ARHGAP15: variants seen among roughly 807,000 people sequenced by gnomAD.
The protein encoded by ARHGAP15 is rho GTPase-activating protein 15.
A neutral mutation model predicts 63.7 loss-of-function variants in ARHGAP15; 51 were observed. The ratio of observed to expected loss-of-function variants is 0.80; its 90% CI spans 0.64 to 1.01. The LOEUF is 1.01. Ranked by LOEUF, ARHGAP15 falls within the 50% of genes least tolerant of loss-of-function variation. The probability of loss-of-function intolerance (pLI) is 0.00; values close to 1 mark genes in which losing one functional copy is unlikely to be tolerated. For missense variants in ARHGAP15, 560 were observed against 564.6 expected, an observed-to-expected ratio of 0.99 and a Z score of 0.08; for synonymous variants, 191 against 193.8, an observed-to-expected ratio of 0.99 and a Z score of 0.12.
intron 11 of ARHGAP15, among the ~76,000 whole-genome samples, chr2:143,577,741 A>G (rs1696729469): frequency 6.6e-6 from 1 of 152,150 alleles, no homozygotes; most frequent in Non-Finnish European, 1.5e-5. Context: ...GGCTAAGGAA[A>G]TAGAATGGGC....
chr2:143,339,202 G>A (rs541481673), intron 6 of ARHGAP15, among the ~76,000 whole-genome samples: 3 of 152,100 alleles, frequency 2.0e-5, no homozygotes, highest in African/African-American at 7.2e-5. Context: ...GCGGAGTGTT[G>A]GGTAGTGAAA....
chr2:143,582,249 T>G (rs1270089068), intron 11 of ARHGAP15, among the ~76,000 whole-genome samples: 3 of 152,020 alleles, frequency 2.0e-5, no homozygotes, highest in African/African-American at 7.3e-5. Flanking sequence ...GGGAAGAAAT[T>G]TGAGGGTAGT....
intron 12 of ARHGAP15, among the ~76,000 whole-genome samples, chr2:143,642,181 G>C: frequency 6.6e-6 from 1 of 152,028 alleles, no homozygotes; most frequent in Admixed American, 6.6e-5. Flanking sequence ...TATTAGCAGG[G>C]AATGATTATA....
chr2:143,523,991 A>G (rs149911358), intron 10 of ARHGAP15, among the ~76,000 whole-genome samples: 197 of 152,292 alleles, frequency 1.3e-3, no homozygotes, highest in Non-Finnish European at 2.0e-3. Flanking sequence ...GCCTCAGCAG[A>G]TGCTAATCAA....
rs566064061 is a variant in ARHGAP15 at position 143,598,801 on chromosome 2, C to G, written c.1004-25332C>G. Among the ~76,000 whole-genome samples the G allele has an allele frequency of 1.0e-3, 153 of 152,162 alleles. 1 individual carries two copies. Among genetic ancestry groups the G allele is most frequent in the Middle Eastern group, 3.4e-3 (1 of 292 alleles). ...CAGGCATGGTGTACGCCTTCAGTCC[C>G]AGCTACTCAGGAGGCTGAAGTGAGA... On this transcript the variant is annotated intron_variant, in intron 11 of 13. Coordinates refer to ENST00000295095, the MANE Select transcript of ARHGAP15 (RefSeq NM_018460.4).
At chr2:143,202,361 C>T (rs1177191264) in intron 3 of ARHGAP15, among the ~76,000 whole-genome samples, 159 bp downstream of exon 3, 4 of 152,016 alleles carry the variant, frequency 2.6e-5, no homozygotes, top group Non-Finnish European at 4.4e-5. Context: ...TCTCTCAAAA[C>T]GTTGCAACAA....
chr2:143,755,820 G>T (rs1574931827), intron 13 of ARHGAP15, among the ~76,000 whole-genome samples: 1 of 152,106 alleles, frequency 6.6e-6, no homozygotes, highest in East Asian at 1.9e-4. Context: ...ACAAAAACTA[G>T]CTGGGTGTGG....
chr2:143,737,955 A>T (rs1213342611), intron 13 of ARHGAP15, among the ~76,000 whole-genome samples: 1 of 151,936 alleles, frequency 6.6e-6, no homozygotes, highest in Non-Finnish European at 1.5e-5. Context: ...CCGGGGTTTC[A>T]CCATGCCGGT....
chr2:143,320,422 C>G (rs962356072), intron 6 of ARHGAP15, among the ~76,000 whole-genome samples: 1 of 95,444 alleles, frequency 1.0e-5, no homozygotes, highest in Non-Finnish European at 2.3e-5. Context: ...CCCCCCCCCC[C>G]AGAGATCCTA....
At chr2:143,515,269 T>G (rs1441583907) in intron 9 of ARHGAP15, among the ~76,000 whole-genome samples, 2 of 145,554 alleles carry the variant, frequency 1.4e-5, no homozygotes, top group Admixed American at 7.0e-5. Flanking sequence ...ATCACTTTAC[T>G]AAAAAACCAC....
intron 9 of ARHGAP15, among the ~76,000 whole-genome samples, chr2:143,492,611 AG>A (rs1274992864): frequency 6.9e-6 from 1 of 144,186 alleles, no homozygotes; most frequent in Non-Finnish European, 1.5e-5. Context: ...AGTGAAAAAA[AG>A]TTAGCCAGGC....
chr2:143,287,587 C>A (rs997157362), intron 6 of ARHGAP15, among the ~76,000 whole-genome samples: 1 of 151,948 alleles, frequency 6.6e-6, no homozygotes, highest in African/African-American at 2.4e-5. Flanking sequence ...AGGTGGATTA[C>A]CTGAGGTCAG....
At chr2:143,724,839 A>T (rs551720472) in intron 13 of ARHGAP15, among the ~76,000 whole-genome samples, 1 of 152,356 alleles carries the variant, frequency 6.6e-6, no homozygotes, top group Admixed American at 6.5e-5. Flanking sequence ...GCATTATAAG[A>T]GTCTGAAGAG....
chr2:143,768,046 T>C lies in ARHGAP15; in HGVS notation c.1302T>C (p.Phe434=). 6.2e-7 allele frequency: 1 copy of C among 1,613,804 alleles called. No homozygotes were observed. Among genetic ancestry groups the C allele is most frequent in the South Asian group, 1.1e-5 (1 of 91,072 alleles). ...CCACGCAAAGCTTGGGGATTGTATT[T>C]GGACCTACCCTTCTGCGAGCTGAAA... The part of the protein sequence containing the change: ...LMSTQSLGIV[F]GPTLLRAENE... Residue 434 remains phenylalanine (F), a synonymous_variant, in exon 14 of 14, where the codon TTT becomes TTC. Transcript: ENST00000295095.
In ARHGAP15 at chr2:143,525,388, C is replaced by G. The variant is rs996687354; in HGVS notation, c.925+6024C>G. On this transcript the variant is annotated intron_variant, in intron 10 of 13. Transcript: ENST00000295095. ...AAAAAAATCAAGAGTACAAGATAAGCACTTTTTCTTTTTCCCTGGAGAATA... is the reference window on the plus strand; with the variant it reads ...AAAAAAATCAAGAGTACAAGATAAGGACTTTTTCTTTTTCCCTGGAGAATA... 5.4e-5 allele frequency among the ~76,000 whole-genome samples: 8 copies of G among 149,422 alleles called. 1 individual carries two copies. The highest frequency in any genetic ancestry group is 3.0e-5 in the Non-Finnish European group (2 of 67,538).
At chr2:143,635,428 C>T (rs1194725515) in intron 12 of ARHGAP15, among the ~76,000 whole-genome samples, 1 of 151,984 alleles carries the variant, frequency 6.6e-6, no homozygotes, top group Non-Finnish European at 1.5e-5. Context: ...TACATTCAGT[C>T]AGACATTCTC....
chr2:143,271,957 T>G (rs1338731173), intron 6 of ARHGAP15, among the ~76,000 whole-genome samples: 2 of 152,242 alleles, frequency 1.3e-5, no homozygotes. Flanking sequence ...TTGTGGAATT[T>G]CAAACAGTTT....
chr2:143,411,245 A>ATTAG lies in ARHGAP15; in HGVS notation c.475-24353_475-24352insGTTA, dbSNP rs1553476192. Among the ~76,000 whole-genome samples, 3 of 3,438 alleles carry ATTAG rather than the reference A, an allele frequency of 8.7e-4. No homozygotes were observed. In the East Asian group the frequency reaches 0.15, roughly 172 times the overall value. 2.3% of individuals were successfully genotyped at this position (3,438 alleles called of 152,430 possible). A position where few individuals can be genotyped will look rare whatever the true frequency, so the allele number is the denominator to read the frequency against. On this transcript the variant is annotated intron_variant, in intron 6 of 13. Coordinates refer to ENST00000295095, the MANE Select transcript of ARHGAP15 (RefSeq NM_018460.4). ...AAGAAAATATAGTAGGAAAGGGTAC[A>ATTAG]TTAAGATACTTATAAAACTATATAT...
chr2:143,347,903 G>A (rs1172223573), intron 6 of ARHGAP15, among the ~76,000 whole-genome samples: 1 of 150,422 alleles, frequency 6.6e-6, no homozygotes, highest in Admixed American at 6.6e-5. Context: ...ATTAGAATTT[G>A]ATTTTCCTCA....
Sources: allele counts gnomAD v4.1 joint callset (sites outside exome capture counted in the v4.1 genomes callset), GRCh38; gene constraint gnomAD v4.1.1; transcripts MANE v1.5; gene names NCBI Gene and HGNC (gene_info 2026-07-23, HGNC 2026-07-21).